The following CCDC92 variants were observed in gnomAD, a reference collection of about 807,000 sequenced individuals.
CCDC92 encodes the protein coiled-coil domain-containing protein 92.
In CCDC92, 12 loss-of-function variants were observed where a neutral mutation model predicts 24.9. That is an observed-to-expected ratio of 0.48 (90% CI 0.31 to 0.78). The LOEUF is 0.78. Ranked by LOEUF, CCDC92 falls within the 30% of genes least tolerant of loss-of-function variation. The probability of loss-of-function intolerance (pLI) is 0.05; values close to 1 mark genes in which losing one functional copy is unlikely to be tolerated. For synonymous variants in CCDC92, 193 were observed against 196.3 expected (o/e 0.98, Z 0.14); for missense variants, 399 against 439.4 (o/e 0.91, Z 0.82).
intron 1 of CCDC92, among the ~76,000 whole-genome samples, chr12:123,965,389 G>A (rs1033831026): frequency 2.0e-5 from 3 of 152,206 alleles, no homozygotes; most frequent in African/African-American, 7.2e-5. Flanking sequence ...ATTCTGTCCA[G>A]AAGTCAAAGT....
In CCDC92 at chr12:123,942,754, C is replaced by T. The variant is rs766060453; in HGVS notation, c.213G>A (p.Ser71=). The T allele has an allele frequency of 1.3e-5, 21 of 1,609,746 alleles. No individual in the cohort carries two copies. The highest frequency in any genetic ancestry group is 1.7e-4 in the Middle Eastern group (1 of 6,054). The change falls in exon 4 of 5, where the codon TCG becomes TCA. Residue 71 remains serine (S), a synonymous_variant. Coordinates refer to ENST00000238156, the MANE Select transcript of CCDC92 (RefSeq NM_025140.3). ...DLTYELTVKS[S]EQTGDGTSKS... The stretch of plus-strand genomic sequence containing the variant: ...GGGAGGAGTTCTTACCTGTCTGTTC[C>T]GAACTTTTGACTGTCAGCTCATATG...
At chr12:123,952,592 A>G (rs1446943330) in intron 1 of CCDC92, among the ~76,000 whole-genome samples, 2 of 152,246 alleles carry the variant, frequency 1.3e-5, no homozygotes, top group Non-Finnish European at 2.9e-5. Context: ...AACTGGATAA[A>G]TAGTTTTGCA....
chr12:123,963,650 A>C (rs78604274), intron 1 of CCDC92, among the ~76,000 whole-genome samples: 6,316 of 152,264 alleles, frequency 0.041, 408 homozygotes, highest in African/African-American at 0.13. Context: ...ATGAACGCTA[A>C]AGTGACCTGA....
intron 1 of CCDC92, among the ~76,000 whole-genome samples, chr12:123,963,504 G>A (rs1956322534): frequency 1.3e-5 from 2 of 152,216 alleles, no homozygotes; most frequent in African/African-American, 4.8e-5. Context: ...TAGCTAAAAT[G>A]ACTGGAACAC....
At chr12:123,951,319 G>A (rs909692121) in intron 1 of CCDC92, among the ~76,000 whole-genome samples, 1 of 152,156 alleles carries the variant, frequency 6.6e-6, no homozygotes, top group South Asian at 2.1e-4. Flanking sequence ...GTATTCCTGA[G>A]ACCAATTTCT....
chr12:123,969,418 C>T (rs1412965640), intron 1 of CCDC92, among the ~76,000 whole-genome samples: 1 of 148,150 alleles, frequency 6.7e-6, no homozygotes, highest in African/African-American at 2.5e-5. Flanking sequence ...AACTAAAATG[C>T]GGAGCAAGCA....
At chr12:123,944,037 C>G in intron 2 of CCDC92, 1 of 529,692 alleles carries the variant, frequency 1.9e-6, no homozygotes, top group Non-Finnish European at 3.3e-6. Context: ...AACATTTCCT[C>G]TAAATGGCAT....
At chr12:123,944,503 C>T (rs909672408) in intron 1 of CCDC92, 139 bp from the exon 2 acceptor site, 4 of 522,928 alleles carry the variant, frequency 7.6e-6, no homozygotes, top group Non-Finnish European at 1.3e-5. Context: ...CAGGACGCAG[C>T]CCATTTGTAG....
In CCDC92 at chr12:123,971,276, AAGC is replaced by A. The variant is rs536144548; in HGVS notation, c.-60+1250_-60+1252del. 3.5e-3 allele frequency among the ~76,000 whole-genome samples: 527 copies of A among 152,328 alleles called. 10 individuals are homozygous for A. The highest frequency in any genetic ancestry group is 4.2e-3 in the East Asian group (22 of 5,192). On this transcript the variant is annotated intron_variant, in intron 1 of 4. Coordinates refer to ENST00000238156, the MANE Select transcript of CCDC92 (RefSeq NM_025140.3). ...ATCACGAGTTTTAAAGCCTTCTTCC[AAGC>A]ATATTTCACATAAGATGAACAGTTA...
chr12:123,943,857 A>T, intron 2 of CCDC92: 4 of 447,802 alleles, frequency 8.9e-6, no homozygotes, highest in Non-Finnish European at 1.6e-5. Flanking sequence ...CCAGTGAGGT[A>T]TGGAGCAGGG....
intron 1 of CCDC92, among the ~76,000 whole-genome samples, chr12:123,960,354 C>T (rs1198691471): frequency 1.3e-5 from 2 of 152,036 alleles, no homozygotes; most frequent in Admixed American, 1.3e-4. Context: ...TGGGAAAGCT[C>T]GCAAATAAAA....
intron 1 of CCDC92, among the ~76,000 whole-genome samples, chr12:123,967,373 G>A (rs1156570161): frequency 6.6e-6 from 1 of 152,104 alleles, no homozygotes; most frequent in Non-Finnish European, 1.5e-5. Flanking sequence ...AAAACTGAGC[G>A]AAAAACTCCA....
In CCDC92 at chr12:123,937,189, C is replaced by T. The variant is rs34103982; in HGVS notation, c.865G>A (p.Val289Ile). ...TGGTGGATCCGATGTGCCACCCCGA[C>T]GTGGGCCTTGTGCGGCTTTTCGCGG... ...PAREKPHKAH[V>I]GVAHRIHHAT... Residue 289 changes from valine (V) to isoleucine (I), a missense_variant, in exon 5 of 5, where the codon GTC becomes ATC. By Grantham distance (29) the Val-to-Ile change is conservative. Coordinates refer to ENST00000238156, the MANE Select transcript of CCDC92 (RefSeq NM_025140.3). The surrounding 1 kb of genome is among the most constrained non-coding windows in gnomAD (Gnocchi z 8.4). 378 of 1,609,700 alleles carry T rather than the reference C, an allele frequency of 2.3e-4. 1 individual carries two copies. In the African/African-American group the frequency reaches 4.6e-3, roughly 19 times the overall value.
intron 1 of CCDC92, among the ~76,000 whole-genome samples, chr12:123,966,918 T>G (rs979520103): frequency 6.6e-6 from 1 of 152,212 alleles, no homozygotes; most frequent in Non-Finnish European, 1.5e-5. Context: ...GCTGTCAACC[T>G]ATCTCCAAGG....
Position 123,955,221 on chromosome 12 carries a change from A to G in CCDC92, c.-59-10857T>C, listed in dbSNP as rs1156675894. Reference sequence around the variant, plus strand: ...CTGAGCCAACAATTTAAGGACACAAATATCTCCTAAGTTACTACACAAACA... The same window carrying G: ...CTGAGCCAACAATTTAAGGACACAAGTATCTCCTAAGTTACTACACAAACA... On this transcript the variant is annotated intron_variant, in intron 1 of 4. Coordinates refer to ENST00000238156, the MANE Select transcript of CCDC92 (RefSeq NM_025140.3). Among the ~76,000 whole-genome samples, 8 of 152,364 alleles carry G rather than the reference A, an allele frequency of 5.3e-5. No homozygotes were observed. In the East Asian group the frequency reaches 1.5e-3, roughly 29 times the overall value.
At chr12:123,938,027 T>G (rs1391744187) in intron 4 of CCDC92, among the ~76,000 whole-genome samples, 197 bp from the exon 5 acceptor site, 7 of 152,166 alleles carry the variant, frequency 4.6e-5, no homozygotes, top group African/African-American at 7.2e-5. Flanking sequence ...TCAGAGGCCC[T>G]TTCCGGCTCT....
intron 1 of CCDC92, chr12:123,944,782 G>A (rs763240815): frequency 1.3e-5 from 2 of 153,204 alleles, no homozygotes; most frequent in East Asian, 3.9e-4. Flanking sequence ...CGGAGCTCAC[G>A]AAGGGGAATG....
Position 123,972,608 on chromosome 12 carries a change from G to C in CCDC92, c.-139C>G, listed in dbSNP as rs1224584444. On this transcript the variant is annotated 5_prime_UTR_variant, in exon 1 of 5. Coordinates refer to ENST00000238156, the MANE Select transcript of CCDC92 (RefSeq NM_025140.3). ...TCCCGGCGGGCGGCGGTGGGGGCCC[G>C]TGGCCCATGGGCTGGGCGGGGCGCG... The C allele has an allele frequency of 1.3e-5, 2 of 149,804 alleles. No individual in the cohort carries two copies. Among genetic ancestry groups the C allele is most frequent in the African/African-American group, 2.4e-5 (1 of 41,104 alleles). 9.3% of individuals were successfully genotyped at this position (149,804 alleles called of 1,614,324 possible).
In CCDC92 at chr12:123,972,645, T is replaced by C. The variant is rs1169955335; in HGVS notation, c.-176A>G. The C allele has an allele frequency of 2.0e-5, 3 of 146,928 alleles. No homozygotes were observed. Among genetic ancestry groups the C allele is most frequent in the Admixed American group, 2.0e-4 (3 of 14,898 alleles). 9.1% of individuals were successfully genotyped at this position (146,928 alleles called of 1,614,324 possible). A position where few individuals can be genotyped will look rare whatever the true frequency, so the allele number is the denominator to read the frequency against. On this transcript the variant is annotated 5_prime_UTR_variant, in exon 1 of 5. Coordinates refer to ENST00000238156, the MANE Select transcript of CCDC92 (RefSeq NM_025140.3). ...CTGGGCGGGGCGCGGCGGGCGGGGC[T>C]GCCTGGGCTCGGGCGCTGCCCGGGC...
Sources: allele counts gnomAD v4.1 joint callset (sites outside exome capture counted in the v4.1 genomes callset), GRCh38; gene constraint gnomAD v4.1.1; non-coding constraint Gnocchi (gnomAD v3.1); transcripts MANE v1.5; gene names NCBI Gene and HGNC (gene_info 2026-07-23, HGNC 2026-07-21).